SUGCT: variants seen among roughly 807,000 people sequenced by gnomAD.
The protein encoded by SUGCT is succinyl-CoA:glutarate-CoA transferase, also known as succinyl-CoA:glutarate CoA-transferase.
In SUGCT, 41 loss-of-function variants were observed where a neutral mutation model predicts 55.0. That is an observed-to-expected ratio of 0.74 (90% CI 0.58 to 0.97). The LOEUF is 0.97. SUGCT is among the 50% of genes least tolerant of loss of function. The pLI, the probability that SUGCT is intolerant of heterozygous loss-of-function variation, is 0.00. For synonymous variants in SUGCT, 187 were observed against 200.4 expected, an observed-to-expected ratio of 0.93 and a Z score of 0.56; for missense variants, 568 against 547.8, an observed-to-expected ratio of 1.04 and a Z score of -0.37.
intron 13 of SUGCT, among the ~76,000 whole-genome samples, chr7:40,750,458 A>G (rs1429462364): frequency 6.6e-6 from 1 of 151,900 alleles, no homozygotes; most frequent in Non-Finnish European, 1.5e-5. Flanking sequence ...TCTTACTTGG[A>G]ATTTAGGTAT....
chr7:40,145,054 A>C (rs1390807587), intron 1 of SUGCT, among the ~76,000 whole-genome samples: 1 of 152,188 alleles, frequency 6.6e-6, no homozygotes, highest in Non-Finnish European at 1.5e-5. Context: ...TTTTATTTTA[A>C]TGTCCAGTTT....
At chr7:41,012,234 C>G in the SUGCT span, among the ~76,000 whole-genome samples, 2 of 152,174 alleles carry the variant, frequency 1.3e-5, no homozygotes, top group African/African-American at 2.4e-5. Flanking sequence ...CCTCAATAGT[C>G]TCCAGGCTTG....
chr7:40,772,327 C>T (rs138378939), intron 13 of SUGCT, among the ~76,000 whole-genome samples: 126 of 152,044 alleles, frequency 8.3e-4, no homozygotes, highest in African/African-American at 2.9e-3. Context: ...AGATAAAAGC[C>T]TTTATTCTTT....
chr7:40,370,638 G>A (rs1399075214), intron 9 of SUGCT, among the ~76,000 whole-genome samples: 1 of 144,840 alleles, frequency 6.9e-6, no homozygotes, highest in Admixed American at 7.0e-5. Flanking sequence ...GAGAGAGAGT[G>A]GGGGACAGAG....
At chr7:40,203,179 G>A (rs1786712887) in intron 6 of SUGCT, among the ~76,000 whole-genome samples, 1 of 152,170 alleles carries the variant, frequency 6.6e-6, no homozygotes, top group Non-Finnish European at 1.5e-5. Flanking sequence ...CTCTTTCCAA[G>A]GAAATTCAGC....
the SUGCT span, among the ~76,000 whole-genome samples, chr7:40,980,967 G>A: frequency 9.7e-3 from 1,477 of 152,158 alleles, 17 homozygotes; most frequent in African/African-American, 0.031. Flanking sequence ...TGAAGTGCTG[G>A]GATTACAGGT....
At chr7:41,001,989 T>C in the SUGCT span, among the ~76,000 whole-genome samples, 5 of 152,248 alleles carry the variant, frequency 3.3e-5, no homozygotes, top group Non-Finnish European at 5.9e-5. Context: ...GGGTGCAAAA[T>C]TGGAACAGTC....
intron 9 of SUGCT, among the ~76,000 whole-genome samples, chr7:40,377,363 C>G (rs1386508007): frequency 6.6e-6 from 1 of 150,572 alleles, no homozygotes; most frequent in African/African-American, 2.4e-5. Flanking sequence ...GTGCCTCAGC[C>G]TCCTGGGTAG....
At chr7:40,663,351 T>G (rs1056552889) in intron 12 of SUGCT, among the ~76,000 whole-genome samples, 26 of 152,130 alleles carry the variant, frequency 1.7e-4, no homozygotes. Flanking sequence ...TATTATTCAC[T>G]CTTAAAGCCA....
chr7:40,432,488 C>A (rs77423178), intron 9 of SUGCT, among the ~76,000 whole-genome samples: 16,962 of 151,980 alleles, frequency 0.11, 1,400 homozygotes, highest in East Asian at 0.48. Flanking sequence ...GAGTTTGAGA[C>A]CAGGATGACC....
the SUGCT span, among the ~76,000 whole-genome samples, chr7:40,881,855 G>A: frequency 6.6e-6 from 1 of 152,168 alleles, no homozygotes; most frequent in Admixed American, 6.5e-5. Flanking sequence ...AAGCTAAAGG[G>A]TAAGCCCTGG....
At chr7:40,634,186 A>T (rs1301541308) in intron 12 of SUGCT, among the ~76,000 whole-genome samples, 2 of 152,178 alleles carry the variant, frequency 1.3e-5, no homozygotes, top group East Asian at 1.9e-4. Flanking sequence ...CAGAATTTAA[A>T]ATAAAAATTT....
the SUGCT span, among the ~76,000 whole-genome samples, chr7:41,007,204 G>A: frequency 6.6e-6 from 1 of 151,822 alleles, no homozygotes; most frequent in African/African-American, 2.4e-5. Flanking sequence ...TGATAGAAGA[G>A]TCATCATTCA....
chr7:40,299,819 A>AT (rs968442252), intron 8 of SUGCT, among the ~76,000 whole-genome samples: 21 of 152,244 alleles, frequency 1.4e-4, no homozygotes, highest in Non-Finnish European at 2.8e-4. Flanking sequence ...GGAATCAACA[A>AT]TTTTTTTATT....
chr7:40,279,591 T>C lies in SUGCT; in HGVS notation c.720+4935T>C, dbSNP rs113192149. On this transcript the variant is annotated intron_variant, in intron 8 of 13. Coordinates refer to ENST00000335693, the MANE Select transcript of SUGCT (RefSeq NM_001193313.2). ...TGACAACATTAATTTTATTAGGTTA[T>C]TGAAAAAATACTTCAGTGTTAGTAA... 3.5e-3 allele frequency among the ~76,000 whole-genome samples: 540 copies of C among 152,296 alleles called. 3 individuals are homozygous for C. The highest frequency in any genetic ancestry group is 0.012 in the African/African-American group (491 of 41,566).
At chr7:40,947,812 A>G in the SUGCT span, among the ~76,000 whole-genome samples, 3 of 152,180 alleles carry the variant, frequency 2.0e-5, no homozygotes, top group Non-Finnish European at 4.4e-5. Flanking sequence ...GAGTCTCTTC[A>G]TATGTGCTAA....
rs761066915 is a variant in SUGCT at position 40,449,336 on chromosome 7, A to G, written c.866A>G (p.Gln289Arg). The G allele has an allele frequency of 6.2e-7, 1 of 1,612,638 alleles. No homozygotes were observed. The highest frequency in any genetic ancestry group is 2.2e-5 in the East Asian group (1 of 44,812). The change falls in exon 10 of 14, where the codon CAG (glutamine) becomes CGG (arginine). Residue 289 changes from glutamine to arginine, a missense_variant. Transcript: ENST00000335693. ...GYIVVGAGNN[Q>R]QFATVCKILD... The stretch of plus-strand genomic sequence containing the variant: ...ATTGTAGTTGGAGCAGGAAATAACC[A>G]GCAGTTTGCCACCGTCTGCAAGGTA...
At chr7:40,312,050 G>A (rs1379198349) in intron 8 of SUGCT, among the ~76,000 whole-genome samples, 1 of 144,978 alleles carries the variant, frequency 6.9e-6, no homozygotes, top group African/African-American at 2.5e-5. Flanking sequence ...CCTCACATAA[G>A]TTTTTTTTTT....
chr7:40,268,148 A>G (rs117931167), intron 7 of SUGCT, among the ~76,000 whole-genome samples: 193 of 152,304 alleles, frequency 1.3e-3, no homozygotes, highest in Non-Finnish European at 2.2e-3. Context: ...ACAGCATACA[A>G]TTCAGTGGCT....
Sources: allele counts gnomAD v4.1 joint callset (sites outside exome capture counted in the v4.1 genomes callset), GRCh38; gene constraint gnomAD v4.1.1; transcripts MANE v1.5; gene names NCBI Gene and HGNC (gene_info 2026-07-23, HGNC 2026-07-21).